Variants in MAP3K7CL observed in about 807,000 individuals in gnomAD.
MAP3K7CL encodes the protein MAP3K7 C-terminal like, also known as MAP3K7 C-terminal-like protein.
A neutral mutation model predicts 18.6 loss-of-function variants in MAP3K7CL; 16 were observed. That is an observed-to-expected ratio of 0.86 (90% CI 0.58 to 1.31). The LOEUF is 1.31. Among genes scored for constraint, MAP3K7CL ranks in the 50% most tolerant of loss-of-function variants. MAP3K7CL has a pLI of 0.00. For missense variants in MAP3K7CL, 163 were observed against 174.4 expected, an observed-to-expected ratio of 0.93 and a Z score of 0.37; for synonymous variants, 65 against 66.8, an observed-to-expected ratio of 0.97 and a Z score of 0.13.
intron 2 of MAP3K7CL, among the ~76,000 whole-genome samples, chr21:29,140,152 A>G (rs779933363): frequency 6.6e-6 from 1 of 152,130 alleles, no homozygotes; most frequent in Middle Eastern, 3.2e-3. Flanking sequence ...TGTCTCCTGT[A>G]TTTACATTTC....
At chr21:29,131,004 A>T (rs934590743) in intron 1 of MAP3K7CL, 81 bp downstream of exon 1, 1 of 865,480 alleles carries the variant, frequency 1.2e-6, no homozygotes. Flanking sequence ...GCCTGTAGCC[A>T]AGAGAAGGAA....
chr21:29,137,778 T>C (rs1386218766), intron 2 of MAP3K7CL, among the ~76,000 whole-genome samples: 6 of 152,060 alleles, frequency 3.9e-5, no homozygotes, highest in African/African-American at 1.2e-4. Context: ...TAGATAGCAA[T>C]AGACTAGGGT....
chr21:29,085,270 CTTCAA>C (rs1228120808), upstream of MAP3K7CL: 2 of 152,280 alleles, frequency 1.3e-5, no homozygotes, highest in African/African-American at 2.4e-5. Flanking sequence ...GCTTGACATG[CTTCAA>C]GGAGACTTGC....
At chr21:29,159,708 T>A (rs2146722535) in intron 3 of MAP3K7CL, among the ~76,000 whole-genome samples, 1 of 152,284 alleles carries the variant, frequency 6.6e-6, no homozygotes, top group African/African-American at 2.4e-5. Context: ...AGGCCTGAGA[T>A]GCCCATGAAT....
At chr21:29,091,093 C>T (rs2086018649) in intron 1 of MAP3K7CL, among the ~76,000 whole-genome samples, 1 of 152,156 alleles carries the variant, frequency 6.6e-6, no homozygotes, top group African/African-American at 2.4e-5. Context: ...TCCTCTTGAA[C>T]TGGTCACATT....
intron 4 of MAP3K7CL, among the ~76,000 whole-genome samples, chr21:29,166,125 T>C (rs1487718078): frequency 6.6e-6 from 1 of 152,218 alleles, no homozygotes; most frequent in Admixed American, 6.5e-5. Context: ...ACTGTAACTA[T>C]GTACTCACTG....
At chr21:29,164,900 T>A (rs966718538) in intron 4 of MAP3K7CL, among the ~76,000 whole-genome samples, 4 of 152,222 alleles carry the variant, frequency 2.6e-5, no homozygotes, top group Admixed American at 2.6e-4. Flanking sequence ...GACATTTTAA[T>A]ATAATTGCAT....
chr21:29,081,785 G>A (rs1366599871), upstream of MAP3K7CL, among the ~76,000 whole-genome samples: 2 of 152,178 alleles, frequency 1.3e-5, no homozygotes, highest in South Asian at 2.1e-4. Context: ...GCAAGAAGCA[G>A]GCTTTTGGCA....
chr21:29,125,311 G>C (rs1293688105), intron 4 of MAP3K7CL, among the ~76,000 whole-genome samples: 2 of 152,204 alleles, frequency 1.3e-5, no homozygotes, highest in Non-Finnish European at 2.9e-5. Context: ...AAGAGACAGA[G>C]CTGGGTTGGA....
At chr21:29,122,403 C>T (rs2086610143) in intron 4 of MAP3K7CL, among the ~76,000 whole-genome samples, 1 of 152,180 alleles carries the variant, frequency 6.6e-6, no homozygotes, top group Non-Finnish European at 1.5e-5. Flanking sequence ...TGTGACAGCC[C>T]TCTGTATCCT....
chr21:29,160,812 AAGC>A lies in MAP3K7CL; in HGVS notation c.248+758_248+760del, dbSNP rs2087529024. Among the ~76,000 whole-genome samples the A allele has an allele frequency of 2.6e-5, 4 of 152,336 alleles. No homozygotes were observed. The East Asian group carries it at 7.7e-4, about 29-fold the overall frequency. On this transcript the variant is annotated intron_variant, in intron 4 of 4. Transcript: ENST00000399928. ...TCCTACTAGGTGGTAAGTGCCATAAAAGCACTGATAGTCAGGTGTTGTCACCAT... is the reference window on the plus strand; with the variant it reads ...TCCTACTAGGTGGTAAGTGCCATAAAACTGATAGTCAGGTGTTGTCACCAT...
At chr21:29,171,052 G>A (rs11088110) in intron 4 of MAP3K7CL, among the ~76,000 whole-genome samples, 70,209 of 151,382 alleles carry the variant, frequency 0.46, 17,662 homozygotes, top group African/African-American at 0.67. Context: ...CCTAAGCTAT[G>A]CTTAGGGACA....
intron 4 of MAP3K7CL, among the ~76,000 whole-genome samples, chr21:29,101,933 C>T (rs1188713596): frequency 6.6e-6 from 1 of 152,068 alleles, no homozygotes; most frequent in Non-Finnish European, 1.5e-5. Context: ...ATTTTTTCAC[C>T]TGAATCCCAA....
chr21:29,092,302 A>AACTCCAGTTTATAGG (rs72106396), intron 3 of MAP3K7CL: 238,892 of 942,524 alleles, frequency 0.25, 32,010 homozygotes, highest in African/African-American at 0.36. Flanking sequence ...TCCAGATTTA[A>AACTCCAGTTTATAGG]ACCATTAACA....
chr21:29,100,004 A>AC (rs1238421007), intron 4 of MAP3K7CL, among the ~76,000 whole-genome samples: 5 of 151,300 alleles, frequency 3.3e-5, no homozygotes, highest in Admixed American at 2.0e-4. Flanking sequence ...AATGGCGTGA[A>AC]CCTGGGAGGC....
upstream of MAP3K7CL, among the ~76,000 whole-genome samples, chr21:29,129,467 AT>A (rs1387304371): frequency 1.3e-5 from 2 of 152,164 alleles, no homozygotes; most frequent in Admixed American, 1.3e-4. Flanking sequence ...AGCTTCTTTC[AT>A]TTAGTAATAT....
chr21:29,095,666 A>G (rs1454799263), intron 4 of MAP3K7CL, among the ~76,000 whole-genome samples: 2 of 152,218 alleles, frequency 1.3e-5, no homozygotes, highest in South Asian at 2.1e-4. Flanking sequence ...GCTGTGACCA[A>G]CTATTCCAGA....
chr21:29,104,060 A>T (rs1055818156), intron 4 of MAP3K7CL, among the ~76,000 whole-genome samples: 3 of 152,080 alleles, frequency 2.0e-5, no homozygotes, highest in African/African-American at 7.2e-5. Flanking sequence ...AACTCTTGCC[A>T]TGATGTTGTT....
At chr21:29,109,829 G>GATATA (rs2086388581) in intron 4 of MAP3K7CL, 1 of 974,090 alleles carries the variant, frequency 1.0e-6, no homozygotes, top group African/African-American at 1.8e-5. Context: ...TATATACATA[G>GATATA]TGTAGACTCC....
Sources: allele counts gnomAD v4.1 joint callset (sites outside exome capture counted in the v4.1 genomes callset), GRCh38; gene constraint gnomAD v4.1.1; transcripts MANE v1.5; gene names NCBI Gene and HGNC (gene_info 2026-07-23, HGNC 2026-07-21).